ARPC1A: variants seen among roughly 807,000 people sequenced by gnomAD.
The protein encoded by ARPC1A is actin related protein 2/3 complex subunit 1A, also known as actin-related protein 2/3 complex subunit 1A.
ARPC1A carries 8 observed loss-of-function variants against 46.9 expected under a neutral mutation model. The observed-to-expected ratio is 0.17, with a 90% CI of 0.10 to 0.31. The LOEUF (loss-of-function observed/expected upper bound fraction) is 0.31, where lower values mean the gene tolerates loss of function less well. Ranked by LOEUF, ARPC1A falls within the 10% of genes least tolerant of loss-of-function variation. ARPC1A has a pLI of 1.00. For synonymous variants in ARPC1A, 152 were observed against 169.0 expected (o/e 0.90, Z 0.78); for missense variants, 286 against 483.6 (o/e 0.59, Z 3.83).
intron 4 of ARPC1A, among the ~76,000 whole-genome samples, chr7:99,347,881 T>C (rs893964744): frequency 1.2e-4 from 18 of 151,586 alleles, no homozygotes; most frequent in African/African-American, 4.4e-4. Context: ...TAATTTAGCA[T>C]TGAAGGAAAG....
chr7:99,347,073 A>G (rs1404758217), intron 4 of ARPC1A, among the ~76,000 whole-genome samples: 1 of 151,748 alleles, frequency 6.6e-6, no homozygotes, highest in Non-Finnish European at 1.5e-5. Flanking sequence ...TATTTTATTT[A>G]TTTATTTATT....
intron 9 of ARPC1A, among the ~76,000 whole-genome samples, chr7:99,365,286 TATA>T (rs1339572598): frequency 2.0e-5 from 3 of 151,596 alleles, no homozygotes; most frequent in African/African-American, 7.3e-5. Flanking sequence ...ACCCCATCTC[TATA>T]AAAAAGCCAG....
At chr7:99,343,925 T>G (rs1048469282) in intron 3 of ARPC1A, among the ~76,000 whole-genome samples, 1 of 152,208 alleles carries the variant, frequency 6.6e-6, no homozygotes, top group Admixed American at 6.5e-5. Context: ...TGAATACAGT[T>G]ATTTTCACAC....
intron 8 of ARPC1A, among the ~76,000 whole-genome samples, chr7:99,362,466 G>A (rs1222692307): frequency 6.7e-6 from 1 of 149,142 alleles, no homozygotes; most frequent in Non-Finnish European, 1.5e-5. Context: ...CAAGTAGCTG[G>A]GACTACAGGC....
chr7:99,326,388 C>T (rs919025194), intron 1 of ARPC1A, among the ~76,000 whole-genome samples: 3 of 152,196 alleles, frequency 2.0e-5, no homozygotes, highest in Non-Finnish European at 4.4e-5. Context: ...GAGTCGATCC[C>T]TGCATACAGT....
chr7:99,327,832 C>T (rs1376788073), intron 1 of ARPC1A, among the ~76,000 whole-genome samples: 1 of 152,118 alleles, frequency 6.6e-6, no homozygotes, highest in Non-Finnish European at 1.5e-5. Context: ...GGACTGGAGC[C>T]TGTCTGAATG....
chr7:99,332,528 C>T (rs1415940846), intron 1 of ARPC1A, among the ~76,000 whole-genome samples: 1 of 152,104 alleles, frequency 6.6e-6, no homozygotes, highest in African/African-American at 2.4e-5. Context: ...ATTGACGACC[C>T]TGAACAGAAT....
At chr7:99,327,358 T>C (rs1479161991) in intron 1 of ARPC1A, among the ~76,000 whole-genome samples, 3 of 152,052 alleles carry the variant, frequency 2.0e-5, no homozygotes, top group Admixed American at 6.6e-5. Context: ...TCACCCAGAC[T>C]GGAGTGCAGT....
rs551935574 is a variant in ARPC1A, at chr7:99,333,214, G to A, written c.-29-111G>A. ...CTGGCCAGATTATTTTTTAATGGGA[G>A]GACAATGTTTTATTTATTTCCGAAC... On this transcript the variant is annotated intron_variant, in intron 1 of 9. Transcript: ENST00000262942. The A allele has an allele frequency of 4.1e-6, 3 of 729,862 alleles. No individual in the cohort carries two copies. In the South Asian group the frequency reaches 4.8e-5, roughly 12 times the overall value. The allele number at this position is 729,862 out of a possible 1,614,324, so 45.2% of individuals were successfully genotyped here.
At chr7:99,348,699 C>T (rs1030836801) in intron 4 of ARPC1A, among the ~76,000 whole-genome samples, 153 bp from the exon 5 acceptor site, 4 of 151,924 alleles carry the variant, frequency 2.6e-5, no homozygotes, top group Non-Finnish European at 4.4e-5. Context: ...AAAGTTTATT[C>T]TGAAAAAAAT....
chr7:99,360,857 C>T (rs1793726832), intron 8 of ARPC1A, among the ~76,000 whole-genome samples: 1 of 146,388 alleles, frequency 6.8e-6, no homozygotes. Flanking sequence ...AGGAGAATTG[C>T]TTGAACCGGG....
intron 4 of ARPC1A, among the ~76,000 whole-genome samples, chr7:99,344,841 C>CCGT (rs543521499): frequency 2.1e-3 from 301 of 146,202 alleles, no homozygotes; most frequent in Non-Finnish European, 2.9e-3. Context: ...GAAAGAGTCT[C>CCGT]CGTTCCCTGA....
intron 4 of ARPC1A, among the ~76,000 whole-genome samples, chr7:99,347,830 A>G (rs1266868336): frequency 7.2e-6 from 1 of 139,396 alleles, no homozygotes; most frequent in Non-Finnish European, 1.6e-5. Context: ...ACTCCATCTC[A>G]AAAAAAAAAA....
intron 9 of ARPC1A, among the ~76,000 whole-genome samples, chr7:99,364,411 TAC>T (rs1378654168): frequency 6.6e-6 from 1 of 152,048 alleles, no homozygotes; most frequent in Non-Finnish European, 1.5e-5. Context: ...TAGCTGGGAT[TAC>T]AGACATGTGC....
At chr7:99,353,826 T>A in intron 5 of ARPC1A, 83 bp from the exon 6 acceptor site, 1 of 1,346,664 alleles carries the variant, frequency 7.4e-7, no homozygotes, top group Non-Finnish European at 1.0e-6. Context: ...ATTCTGAGAT[T>A]CCTTGTGGCA....
chr7:99,343,292 C>T (rs1169775781), intron 3 of ARPC1A, among the ~76,000 whole-genome samples: 2 of 151,718 alleles, frequency 1.3e-5, no homozygotes, highest in African/African-American at 4.8e-5. Flanking sequence ...ATGGTGAAAC[C>T]CCGTCTCTAC....
chr7:99,333,713 T>C (rs1793187922), intron 2 of ARPC1A, among the ~76,000 whole-genome samples: 1 of 152,200 alleles, frequency 6.6e-6, no homozygotes, highest in African/African-American at 2.4e-5. Flanking sequence ...CTCAGAGCAT[T>C]ATTAACTAGT....
In ARPC1A at chr7:99,344,432, G is replaced by A. The variant is rs1269233150; in HGVS notation, c.309G>A (p.Lys103=). 5.0e-6 allele frequency: 8 copies of A among 1,613,870 alleles called. No homozygotes were observed. In the Admixed American group the frequency reaches 8.3e-5, roughly 17 times the overall value. Residue 103 remains lysine (K), a synonymous_variant, in exon 4 of 10, where the codon AAG becomes AAA. Coordinates refer to ENST00000262942, the MANE Select transcript of ARPC1A (RefSeq NM_006409.4). Reference sequence around the variant, plus strand: ...TTAATCGCGCAGCTACTTTTGTGAAGTGGTCCCCCCTAGAGAACAAATTTG... The same window carrying A: ...TTAATCGCGCAGCTACTTTTGTGAAATGGTCCCCCCTAGAGAACAAATTTG... ...LRINRAATFV[K]WSPLENKFAV... is the part of the protein sequence containing the mutation.
At chr7:99,352,062 C>T (rs1349464922) in intron 5 of ARPC1A, among the ~76,000 whole-genome samples, 1 of 152,168 alleles carries the variant, frequency 6.6e-6, no homozygotes, top group East Asian at 1.9e-4. Context: ...CCTCCCTTGG[C>T]TTTCTCTTGG....
Sources: allele counts gnomAD v4.1 joint callset (sites outside exome capture counted in the v4.1 genomes callset), GRCh38; gene constraint gnomAD v4.1.1; transcripts MANE v1.5; gene names NCBI Gene and HGNC (gene_info 2026-07-23, HGNC 2026-07-21).